The following UNC5C variants were observed in gnomAD, a reference collection of about 807,000 sequenced individuals.
UNC5C encodes the protein netrin receptor UNC5C.
A neutral mutation model predicts 99.8 loss-of-function variants in UNC5C; 47 were observed. The ratio of observed to expected loss-of-function variants is 0.47; its 90% CI spans 0.37 to 0.60. The LOEUF is 0.60. Among genes scored for constraint, UNC5C ranks in the 20% least tolerant of loss-of-function variants. The pLI, the probability that UNC5C is intolerant of heterozygous loss-of-function variation, is 0.00. For synonymous variants in UNC5C, 487 were observed against 452.2 expected (o/e 1.08, Z -0.98); for missense variants, 1,062 against 1,165.9 (o/e 0.91, Z 1.30).
At chr4:95,287,530 TTAGAG>T (rs1241139683) in intron 3 of UNC5C, among the ~76,000 whole-genome samples, 1 of 152,194 alleles carries the variant, frequency 6.6e-6, no homozygotes, top group Non-Finnish European at 1.5e-5. Flanking sequence ...TTATTGTTCT[TTAGAG>T]TAGGAATGGC....
At chr4:95,475,862 T>G (rs1748128759) in intron 1 of UNC5C, among the ~76,000 whole-genome samples, 1 of 152,110 alleles carries the variant, frequency 6.6e-6, no homozygotes, top group Admixed American at 6.6e-5. Flanking sequence ...ACAAGCTGTC[T>G]AATGATAATC....
intron 1 of UNC5C, among the ~76,000 whole-genome samples, chr4:95,379,774 C>G (rs910458018): frequency 2.0e-5 from 3 of 152,142 alleles, no homozygotes; most frequent in Admixed American, 6.5e-5. Context: ...AGAATAAGAA[C>G]GGCTTGGTAC....
rs189761674 is a variant in UNC5C at position 95,175,731 on chromosome 4, C to G, written c.2452-5399G>C. Among the ~76,000 whole-genome samples, 106 of 152,164 alleles carry G rather than the reference C, an allele frequency of 7.0e-4. 1 individual carries two copies. Among genetic ancestry groups the G allele is most frequent in the African/African-American group, 2.3e-3 (94 of 41,542 alleles). On this transcript the variant is annotated intron_variant, in intron 14 of 15. Transcript: ENST00000453304. The stretch of plus-strand genomic sequence containing the variant: ...CTGACAATTATGTGTCTTGGACTTT[C>G]TCTTCTTGAGGAGTATCTTTGTGGC...
At chr4:95,523,153 A>G (rs1377099167) in intron 1 of UNC5C, among the ~76,000 whole-genome samples, 1 of 152,194 alleles carries the variant, frequency 6.6e-6, no homozygotes, top group African/African-American at 2.4e-5. Context: ...ACCAGAGGCA[A>G]GCTTCAGCCT....
intron 3 of UNC5C, among the ~76,000 whole-genome samples, chr4:95,284,033 T>C (rs1444584268): frequency 2.0e-5 from 3 of 152,156 alleles, no homozygotes; most frequent in African/African-American, 7.2e-5. Context: ...CTATTTTCCA[T>C]TTATACATAA....
Position 95,242,718 on chromosome 4 carries a change from A to G in UNC5C, c.944-125T>C, listed in dbSNP as rs1359072873. The G allele has an allele frequency of 3.6e-6, 4 of 1,096,594 alleles. No homozygotes were observed. In the African/African-American group the frequency reaches 4.9e-5, roughly 13 times the overall value. 67.9% of individuals were successfully genotyped at this position (1,096,594 alleles called of 1,614,324 possible). On this transcript the variant is annotated intron_variant, in intron 6 of 15. Transcript: ENST00000453304. ...AGCATGCCCTACTGAGAAGCACTGT[A>G]TTCATTTCAATTGCTGGGAACTGCA...
At chr4:95,472,819 A>G (rs1412146185) in intron 1 of UNC5C, among the ~76,000 whole-genome samples, 2 of 152,088 alleles carry the variant, frequency 1.3e-5, no homozygotes, top group Non-Finnish European at 2.9e-5. Context: ...GGCACAATGT[A>G]GAGCACAGAG....
chr4:95,179,538 G>C (rs997493516), intron 14 of UNC5C, among the ~76,000 whole-genome samples: 3 of 152,144 alleles, frequency 2.0e-5, no homozygotes, highest in Non-Finnish European at 4.4e-5. Flanking sequence ...CCTGAGCTCA[G>C]GAGTTCGAGA....
intron 2 of UNC5C, among the ~76,000 whole-genome samples, chr4:95,309,378 A>AT (rs1032042539): frequency 1.3e-5 from 2 of 152,130 alleles, no homozygotes; most frequent in African/African-American, 4.8e-5. Context: ...TTGGGCAATG[A>AT]TTTTTTTAAT....
chr4:95,448,236 G>GAGAGAGAGAGAGAGAGAGAGAGAC (rs1747175158), intron 1 of UNC5C, among the ~76,000 whole-genome samples: 2 of 145,880 alleles, frequency 1.4e-5, no homozygotes, highest in African/African-American at 5.1e-5. Flanking sequence ...GTGAGAGAGA[G>GAGAGAGAGAGAGAGAGAGAGAGAC]AGAGAGAGAG....
chr4:95,529,632 C>T (rs1433687379), intron 1 of UNC5C, among the ~76,000 whole-genome samples: 2 of 151,772 alleles, frequency 1.3e-5, no homozygotes, highest in Non-Finnish European at 2.9e-5. Context: ...GAGGCTCAGG[C>T]AGGAGGGTTG....
intron 12 of UNC5C, among the ~76,000 whole-genome samples, chr4:95,200,051 A>G (rs1311039004): frequency 1.3e-5 from 2 of 152,320 alleles, no homozygotes; most frequent in South Asian, 2.1e-4. Flanking sequence ...ATGCTGGTCA[A>G]ATCTACCATG....
intron 1 of UNC5C, among the ~76,000 whole-genome samples, chr4:95,507,224 A>C (rs1721947630): frequency 6.6e-6 from 1 of 152,016 alleles, no homozygotes; most frequent in African/African-American, 2.4e-5. Context: ...ATACCAAGTA[A>C]ATTAATCAGC....
At chr4:95,327,113 C>G (rs929351501) in intron 2 of UNC5C, among the ~76,000 whole-genome samples, 4 of 151,916 alleles carry the variant, frequency 2.6e-5, no homozygotes, top group African/African-American at 4.8e-5. Context: ...CCACTAAGTC[C>G]CCAACAATAC....
At position 95,242,472 on chromosome 4, in the gene UNC5C, G is replaced by A. The variant is rs1739359401; in HGVS notation, c.1065C>T (p.Leu355=). Reference sequence around the variant, plus strand: ...CAGTGCAGTTCTTGGATTGCAAGACGAGGCCGTCGCAGTCCTTGCCTCCAT... The same window carrying A: ...CAGTGCAGTTCTTGGATTGCAAGACAAGGCCGTCGCAGTCCTTGCCTCCAT... ...PKNGGKDCDG[L]VLQSKNCTDG... Residue 355 remains leucine, a synonymous_variant, in exon 7 of 16, where the codon CTC becomes CTT. Transcript: ENST00000453304. The A allele has an allele frequency of 6.2e-7, 1 of 1,614,010 alleles. No homozygotes were observed. Among genetic ancestry groups the A allele is most frequent in the Non-Finnish European group, 8.5e-7 (1 of 1,179,958 alleles).
At chr4:95,424,518 C>CTTTCTTT (rs1746411107) in intron 1 of UNC5C, among the ~76,000 whole-genome samples, 3 of 67,962 alleles carry the variant, frequency 4.4e-5, no homozygotes, top group Non-Finnish European at 5.4e-5. Flanking sequence ...TTTTTCTTTT[C>CTTTCTTT]TTTTTTTTTT....
chr4:95,230,919 GT>G (rs1051231941), intron 7 of UNC5C, among the ~76,000 whole-genome samples: 11 of 151,670 alleles, frequency 7.3e-5, no homozygotes, highest in Non-Finnish European at 1.5e-5. Flanking sequence ...TGTTTGTAAG[GT>G]TTTTTTTCTA....
chr4:95,321,345 T>C (rs2149413213), intron 2 of UNC5C, among the ~76,000 whole-genome samples: 1 of 152,288 alleles, frequency 6.6e-6, no homozygotes, highest in East Asian at 1.9e-4. Flanking sequence ...AGCCTAAAAA[T>C]TTTCAATTTT....
chr4:95,233,299 C>T (rs1434399270), intron 7 of UNC5C, among the ~76,000 whole-genome samples: 2 of 152,112 alleles, frequency 1.3e-5, no homozygotes, highest in Non-Finnish European at 2.9e-5. Flanking sequence ...CAATTCCAAG[C>T]AGTTCTTGTT....
Sources: gnomAD v4.1 joint callset for allele counts (sites outside exome capture counted in the v4.1 genomes callset) on GRCh38, gnomAD v4.1.1 for gene constraint, MANE v1.5 for transcripts, NCBI Gene and HGNC (gene_info 2026-07-23, HGNC 2026-07-21) for gene names.